CSGALNACT1: variants seen among roughly 807,000 people sequenced by gnomAD.
CSGALNACT1 encodes chondroitin sulfate N-acetylgalactosaminyltransferase 1.
In CSGALNACT1, 52 loss-of-function variants were observed where a neutral mutation model predicts 51.0. That is an observed-to-expected ratio of 1.02 (90% CI 0.82 to 1.29). CSGALNACT1 has a LOEUF of 1.29. Ranked by LOEUF, CSGALNACT1 falls within the 50% of genes most tolerant of loss-of-function variation. The pLI, the probability that CSGALNACT1 is intolerant of heterozygous loss-of-function variation, is 0.00. For missense variants in CSGALNACT1, 935 were observed against 679.2 expected, an observed-to-expected ratio of 1.38 and a Z score of -4.19; for synonymous variants, 341 against 254.4, an observed-to-expected ratio of 1.34 and a Z score of -3.24.
intron 3 of CSGALNACT1, among the ~76,000 whole-genome samples, chr8:19,532,450 C>T (rs17128577): frequency 0.058 from 8,810 of 152,202 alleles, 804 homozygotes; most frequent in African/African-American, 0.19. Context: ...CTTTTCTATT[C>T]CCTTAAACAT....
At chr8:19,713,021 T>C (rs1413284065) in intron 1 of CSGALNACT1, among the ~76,000 whole-genome samples, 2 of 152,192 alleles carry the variant, frequency 1.3e-5, no homozygotes, top group Non-Finnish European at 2.9e-5. Flanking sequence ...TGGAATATTC[T>C]CTCTTCCTCC....
At chr8:19,589,678 AATCTT>A (rs2047391981) in intron 3 of CSGALNACT1, among the ~76,000 whole-genome samples, 1 of 152,194 alleles carries the variant, frequency 6.6e-6, no homozygotes, top group Non-Finnish European at 1.5e-5. Flanking sequence ...AAATTAAAAT[AATCTT>A]ATCAACTAGA....
At position 19,477,422 on chromosome 8, in the gene CSGALNACT1, G is replaced by A. The variant is rs149946351; in HGVS notation, c.635-18780C>T. Among the ~76,000 whole-genome samples, 1,329 of 152,198 alleles carry A rather than the reference G, an allele frequency of 8.7e-3. 20 individuals are homozygous for A. The highest frequency in any genetic ancestry group is 0.03 in the African/African-American group (1,258 of 41,516). On this transcript the variant is annotated intron_variant, in intron 4 of 9. Coordinates refer to ENST00000454498, the Ensembl canonical transcript of CSGALNACT1. ...ATTCAGCCTAGAAAACTTTTCCAGC[G>A]GACGATAGCACACTCTTACTTTGGC...
chr8:19,458,646 T>C lies in CSGALNACT1; in HGVS notation c.635-4A>G, dbSNP rs372018131. On this transcript the variant is annotated splice_region_variant and splice_polypyrimidine_tract_variant and intron_variant, in intron 4 of 9. Coordinates refer to ENST00000454498, the Ensembl canonical transcript of CSGALNACT1. The stretch of plus-strand genomic sequence containing the variant: ...TCCCTTTCTGTTCGGTAGATCCCTG[T>C]TAAGAGAAAAACAAGGAAAGATAGT... 2.5e-6 allele frequency: 4 copies of C among 1,613,702 alleles called. No individual in the cohort carries two copies. In the African/African-American group the frequency reaches 5.3e-5, roughly 22 times the overall value.
chr8:19,413,621 T>C (rs1410769840), intron 8 of CSGALNACT1, among the ~76,000 whole-genome samples: 1 of 152,154 alleles, frequency 6.6e-6, no homozygotes, highest in African/African-American at 2.4e-5. Context: ...TGAACTGCAA[T>C]AGTAAAATAC....
intron 3 of CSGALNACT1, among the ~76,000 whole-genome samples, chr8:19,529,356 C>T (rs564159176): frequency 1.3e-5 from 2 of 152,274 alleles, no homozygotes; most frequent in Admixed American, 6.5e-5. Context: ...ATTTGTGCAA[C>T]TGACCAGACC....
intron 4 of CSGALNACT1, among the ~76,000 whole-genome samples, chr8:19,489,271 G>A (rs997628006): frequency 6.6e-6 from 1 of 152,082 alleles, no homozygotes; most frequent in African/African-American, 2.4e-5. Flanking sequence ...TACAGATAGG[G>A]AAGAATGAAA....
chr8:19,408,716 T>A (rs776954991), intron 8 of CSGALNACT1, 22 bp from the exon 8 acceptor site: 9 of 1,611,050 alleles, frequency 5.6e-6, no homozygotes, highest in Admixed American at 1.7e-5. Flanking sequence ...GCACTGTCAT[T>A]TGAGGGGAAA....
chr8:19,509,561 G>C (rs1263280175), intron 3 of CSGALNACT1, among the ~76,000 whole-genome samples: 1 of 141,114 alleles, frequency 7.1e-6, no homozygotes, highest in Non-Finnish European at 1.5e-5. Flanking sequence ...GGCAGAGGTT[G>C]CAATGAGCTG....
chr8:19,506,128 G>T, exon 4 of CSGALNACT1: 1 of 606,838 alleles, frequency 1.6e-6, no homozygotes, highest in Middle Eastern at 4.4e-4. Context: ...AGCAAGAGGG[G>T]ACCTGGGAAG....
chr8:19,737,630 G>T (rs987620923), intron 1 of CSGALNACT1, among the ~76,000 whole-genome samples: 14 of 151,858 alleles, frequency 9.2e-5, no homozygotes, highest in African/African-American at 3.4e-4. Flanking sequence ...TCAAAGGAAG[G>T]AAAAGAAGGA....
At chr8:19,736,772 G>C (rs186306667) in intron 1 of CSGALNACT1, among the ~76,000 whole-genome samples, 23 of 152,096 alleles carry the variant, frequency 1.5e-4, no homozygotes, top group Non-Finnish European at 7.4e-5. Context: ...GAACAGAGAG[G>C]AACTCTACAG....
chr8:19,539,779 C>T (rs1461253707), intron 3 of CSGALNACT1, among the ~76,000 whole-genome samples: 1 of 152,108 alleles, frequency 6.6e-6, no homozygotes, highest in East Asian at 1.9e-4. Context: ...GATTCTCCAC[C>T]CCCTTCCAGA....
At chr8:19,585,029 C>T (rs957978264) in intron 3 of CSGALNACT1, 2 of 152,226 alleles carry the variant, frequency 1.3e-5, no homozygotes, top group Non-Finnish European at 2.9e-5. Flanking sequence ...TCTTATCTCC[C>T]TGAACCGCTG....
rs1271910043 is a variant in CSGALNACT1, at chr8:19,666,784, A to C, written c.-544+15689T>G. ...AGAAGAAAGAAAGAAAGAAAGAAAG[A>C]AAGAAAGAAAGAAAGAAAGAAAGAA... On this transcript the variant is annotated intron_variant, in intron 1 of 9. Transcript: ENST00000332246. Among the ~76,000 whole-genome samples the C allele has an allele frequency of 8.8e-4, 14 of 15,824 alleles. 1 individual carries two copies. In the South Asian group the frequency reaches 0.013, roughly 15 times the overall value. The allele number at this position is 15,824 out of a possible 152,430, so 10.4% of individuals were successfully genotyped here. A position where few individuals can be genotyped will look rare whatever the true frequency, so the allele number is the denominator to read the frequency against.
At chr8:19,525,801 G>A (rs964114938) in intron 3 of CSGALNACT1, among the ~76,000 whole-genome samples, 1 of 151,980 alleles carries the variant, frequency 6.6e-6, no homozygotes, top group African/African-American at 2.4e-5. Context: ...TCTGAACTGA[G>A]GCCCTAGAAC....
intron 1 of CSGALNACT1, among the ~76,000 whole-genome samples, chr8:19,673,644 G>C (rs2059958797): frequency 6.6e-6 from 1 of 152,218 alleles, no homozygotes; most frequent in Non-Finnish European, 1.5e-5. Flanking sequence ...CAGTAGGTAA[G>C]AGTTAGAAAT....
exon 7 of CSGALNACT1, chr8:19,420,499 A>G: frequency 6.2e-7 from 1 of 1,613,982 alleles, no homozygotes; most frequent in Non-Finnish European, 8.5e-7. Context: ...ATGAAGGTAA[A>G]GTTCCTGAAG....
chr8:19,502,608 C>T (rs2076612422), intron 4 of CSGALNACT1, among the ~76,000 whole-genome samples: 1 of 152,166 alleles, frequency 6.6e-6, no homozygotes, highest in Non-Finnish European at 1.5e-5. Context: ...ACCAACTTTT[C>T]CCATGGATTT....
Sources: allele counts gnomAD v4.1 joint callset (sites outside exome capture counted in the v4.1 genomes callset), GRCh38; gene constraint gnomAD v4.1.1; transcripts MANE v1.5; gene names NCBI Gene and HGNC (gene_info 2026-07-23, HGNC 2026-07-21).